The following LRRC19 variants were observed in gnomAD, a reference collection of about 807,000 sequenced individuals.
LRRC19 encodes leucine rich repeat containing 19, also known as leucine-rich repeat-containing protein 19.
LRRC19 carries 33 observed loss-of-function variants against 33.3 expected under a neutral mutation model. The observed-to-expected ratio is 0.99, with a 90% CI of 0.75 to 1.33. LRRC19 has a LOEUF of 1.33. LRRC19 is among the 40% of genes most tolerant of loss of function. The probability of loss-of-function intolerance (pLI) is 0.00; values close to 1 mark genes in which losing one functional copy is unlikely to be tolerated. For missense variants in LRRC19, 463 were observed against 417.3 expected (o/e 1.11, Z -0.95); for synonymous variants, 184 against 152.3 (o/e 1.21, Z -1.53).
At chr9:27,000,915 T>G (rs1828449750) in intron 1 of LRRC19, among the ~76,000 whole-genome samples, 1 of 152,206 alleles carries the variant, frequency 6.6e-6, no homozygotes. Context: ...TTAAGCAAAC[T>G]GTATGTTTGT....
At chr9:27,005,072 A>G (rs1441071921) in intron 1 of LRRC19, among the ~76,000 whole-genome samples, 1 of 152,208 alleles carries the variant, frequency 6.6e-6, no homozygotes, top group Non-Finnish European at 1.5e-5. Context: ...CAATGTATTT[A>G]GAGAATGATG....
chr9:26,996,361 A>G lies in LRRC19; in HGVS notation c.734T>C (p.Ile245Thr). 9.3e-6 allele frequency: 15 copies of G among 1,608,012 alleles called. No individual in the cohort carries two copies. The highest frequency in any genetic ancestry group is 1.3e-5 in the Non-Finnish European group (15 of 1,176,338). The change falls in exon 4 of 5, where the codon ATC becomes ACC. Residue 245 changes from isoleucine to threonine, a missense_variant. By Grantham distance (89) the Ile-to-Thr change is moderately conservative (BLOSUM62 -1). Transcript: ENST00000380055. The stretch of plus-strand genomic sequence containing the variant: ...AGAGCTATTAAATATTGAATTGCTG[A>G]TGGGCTGAAAATGAATATAAAGATC... Reference protein sequence around the residue: ...TEDLYIHFQPISNSIFNSSSN... With the variant: ...TEDLYIHFQPTSNSIFNSSSN...
intron 1 of LRRC19, among the ~76,000 whole-genome samples, chr9:27,003,176 A>G (rs1001937380): frequency 2.6e-5 from 4 of 151,692 alleles, no homozygotes; most frequent in African/African-American, 9.7e-5. Context: ...GTCAGTTTTT[A>G]CAGATTTTTT....
intron 1 of LRRC19, among the ~76,000 whole-genome samples, chr9:27,005,064 A>G (rs12236850): frequency 0.099 from 14,997 of 152,210 alleles, 1,820 homozygotes; most frequent in East Asian, 0.66. Flanking sequence ...CCAGAATTCA[A>G]TGTATTTAGA....
At chr9:27,001,880 A>C (rs1435631928) in intron 1 of LRRC19, among the ~76,000 whole-genome samples, 1 of 151,586 alleles carries the variant, frequency 6.6e-6, no homozygotes, top group Non-Finnish European at 1.5e-5. Context: ...TCTTAGAGAC[A>C]CAAAAAAATC....
chr9:27,000,694 G>C (rs762693286), intron 1 of LRRC19, among the ~76,000 whole-genome samples: 1 of 152,150 alleles, frequency 6.6e-6, no homozygotes, highest in Non-Finnish European at 1.5e-5. Context: ...TTAGACGAGA[G>C]GGAGAGCATC....
chr9:26,995,680 A>G lies in LRRC19; in HGVS notation c.954T>C (p.Asp318=), dbSNP rs770737819. 10 of 1,613,906 alleles carry G rather than the reference A, an allele frequency of 6.2e-6. No individual in the cohort carries two copies. The highest frequency in any genetic ancestry group is 8.5e-6 in the Non-Finnish European group (10 of 1,179,892). The change falls in exon 5 of 5, where the codon GAT becomes GAC. Residue 318 remains aspartate, a synonymous_variant. Transcript: ENST00000380055. ...LEEHEAETYE[D]GFTGNPSSLS... ...GAGAGCTTGGATTTCCAGTAAAACC[A>G]TCTTCATAGGTTTCTGCTTCATGCT...
At chr9:26,995,967 GT>G in intron 4 of LRRC19, 118 bp from the exon 5 acceptor site, 1 of 756,694 alleles carries the variant, frequency 1.3e-6, no homozygotes, top group East Asian at 2.8e-5. Context: ...ATACATTGTA[GT>G]TTTCTTTAGA....
rs1828240226 is a variant in LRRC19, at chr9:26,997,718, G to C, written c.595+10C>G. The C allele has an allele frequency of 6.3e-7, 1 of 1,576,132 alleles. No homozygotes were observed. Among genetic ancestry groups the C allele is most frequent in the African/African-American group, 1.4e-5 (1 of 73,040 alleles). On this transcript the variant is annotated intron_variant, in intron 3 of 4. Transcript: ENST00000380055. ...TCACATTTTGGTTTTGCTTAATTAT[G>C]ATAGCTTACCTAATGTCACATTTGA... is the stretch of plus-strand genomic sequence containing the variant.
chr9:26,994,209 CAGTTTAGCTTAGTAA>C lies in LRRC19; in HGVS notation c.*1297_*1311del, dbSNP rs1343393590. 1 of 152,092 alleles carries C rather than the reference CAGTTTAGCTTAGTAA, an allele frequency of 6.6e-6. No homozygotes were observed. The highest frequency in any genetic ancestry group is 1.5e-5 in the Non-Finnish European group (1 of 68,010). The allele number at this position is 152,092 out of a possible 1,614,324, so 9.4% of individuals were successfully genotyped here. On this transcript the variant is annotated 3_prime_UTR_variant, in exon 5 of 5. Coordinates refer to ENST00000380055, the MANE Select transcript of LRRC19 (RefSeq NM_022901.3). ...ACTTTGCTCTTGAATAATCAGAGAG[CAGTTTAGCTTAGTAA>C]AGTTTTACATAAATCCTATTGTAAA...
At position 26,994,518 on chromosome 9, in the gene LRRC19, C is replaced by T. The variant is rs1217746711; in HGVS notation, c.*1003G>A. 7.7e-6 allele frequency: 1 copy of T among 129,734 alleles called. No homozygotes were observed. The highest frequency in any genetic ancestry group is 2.2e-4 in the East Asian group (1 of 4,514). 8.0% of individuals were successfully genotyped at this position (129,734 alleles called of 1,614,324 possible). A position where few individuals can be genotyped will look rare whatever the true frequency, so the allele number is the denominator to read the frequency against. On this transcript the variant is annotated 3_prime_UTR_variant, in exon 5 of 5. Transcript: ENST00000380055. ...CGCTGCTGCAGTCCAGCCTGGGAGA[C>T]AGTGCGAGACTTTGTCTCAAAAAAA...
intron 1 of LRRC19, among the ~76,000 whole-genome samples, chr9:27,000,467 T>G (rs1215294134): frequency 6.6e-6 from 1 of 152,204 alleles, no homozygotes; most frequent in Non-Finnish European, 1.5e-5. Flanking sequence ...ATGAGAATCT[T>G]TAGCACTCTT....
chr9:27,005,354 C>CA (rs1554671223), intron 1 of LRRC19, among the ~76,000 whole-genome samples: 3 of 37,588 alleles, frequency 8.0e-5, no homozygotes, highest in African/African-American at 3.4e-4. Context: ...AAACCATTTC[C>CA]CCCCCCGCCC....
intron 1 of LRRC19, among the ~76,000 whole-genome samples, chr9:27,003,205 GT>G (rs11435056): frequency 6.8e-6 from 1 of 147,548 alleles, no homozygotes; most frequent in Non-Finnish European, 1.5e-5. Flanking sequence ...TTTAGGGTTT[GT>G]TTTTTTTTTA....
In LRRC19 at chr9:26,994,930, C is replaced by G. The variant is rs1429749101; in HGVS notation, c.*591G>C. On this transcript the variant is annotated 3_prime_UTR_variant, in exon 5 of 5. Coordinates refer to ENST00000380055, the MANE Select transcript of LRRC19 (RefSeq NM_022901.3). ...TCTTTATAACCAGAATCAATAGTGA[C>G]TTATTAGGGATTATGCCTGAACATT... 2 of 152,280 alleles carry G rather than the reference C, an allele frequency of 1.3e-5. No individual in the cohort carries two copies. Among genetic ancestry groups the G allele is most frequent in the Admixed American group, 6.5e-5 (1 of 15,276 alleles). The allele number at this position is 152,280 out of a possible 1,614,324, so 9.4% of individuals were successfully genotyped here.
chr9:27,002,884 T>C (rs1009559476), intron 1 of LRRC19, among the ~76,000 whole-genome samples: 2 of 152,100 alleles, frequency 1.3e-5, no homozygotes, highest in African/African-American at 4.8e-5. Flanking sequence ...TTGGTTAGTA[T>C]TGATATTTTA....
At chr9:27,001,322 G>T (rs1828472793) in intron 1 of LRRC19, among the ~76,000 whole-genome samples, 1 of 152,016 alleles carries the variant, frequency 6.6e-6, no homozygotes, top group East Asian at 1.9e-4. Flanking sequence ...TGTATACCCA[G>T]TGGAATTACT....
At position 26,998,091 on chromosome 9, in the gene LRRC19, G is replaced by C. The variant is rs1177706962; in HGVS notation, c.232C>G (p.Leu78Val). The C allele has an allele frequency of 2.5e-6, 4 of 1,613,392 alleles. 1 individual carries two copies. The South Asian group carries it at 3.3e-5, about 13-fold the overall frequency. Residue 78 changes from leucine to valine, a missense_variant, in exon 3 of 5, where the codon CTC becomes GTC. By Grantham distance (32) the Leu-to-Val change is conservative (BLOSUM62 1). Transcript: ENST00000380055. The stretch of plus-strand genomic sequence containing the variant: ...GTAACCTTGTTCTCAATCAAATAGA[G>C]CTCTGTGAGTAAAAAGTATGTCTGT... ...VLQTYFLLTELYLIENKVTIL... is the reference protein window; with the variant it reads ...VLQTYFLLTEVYLIENKVTIL...
rs1459260243 is a variant in LRRC19 at position 27,003,208 on chromosome 9, T to TG, written c.-10+2383_-10+2384insC. Among the ~76,000 whole-genome samples the TG allele has an allele frequency of 3.9e-5, 6 of 152,092 alleles. No homozygotes were observed. In the South Asian group the frequency reaches 6.2e-4, roughly 16 times the overall value. Reference sequence around the variant, plus strand: ...TTTTGTGGAGTATTTAGGGTTTGTTTTTTTTTTAATTTTTTAAGTGTAAGA... The same window carrying TG: ...TTTTGTGGAGTATTTAGGGTTTGTTTGTTTTTTTAATTTTTTAAGTGTAAGA... On this transcript the variant is annotated intron_variant, in intron 1 of 4. Coordinates refer to ENST00000380055, the MANE Select transcript of LRRC19 (RefSeq NM_022901.3).
Sources: allele counts gnomAD v4.1 joint callset (sites outside exome capture counted in the v4.1 genomes callset), GRCh38; gene constraint gnomAD v4.1.1; transcripts MANE v1.5; gene names NCBI Gene and HGNC (gene_info 2026-07-23, HGNC 2026-07-21).